The following PCNP variants were observed in gnomAD, a reference collection of about 807,000 sequenced individuals.
PCNP encodes PEST proteolytic signal containing nuclear protein, also known as PEST proteolytic signal-containing nuclear protein.
PCNP carries 6 observed loss-of-function variants against 21.8 expected under a neutral mutation model. That is an observed-to-expected ratio of 0.28 (90% CI 0.15 to 0.54). The LOEUF (loss-of-function observed/expected upper bound fraction) is 0.54. PCNP is among the 20% of genes least tolerant of loss of function. The pLI is 0.95. For missense variants in PCNP, 161 were observed against 215.5 expected, an observed-to-expected ratio of 0.75 and a Z score of 1.58; for synonymous variants, 67 against 73.2, an observed-to-expected ratio of 0.92 and a Z score of 0.43.
chr3:101,588,500 CT>C (rs945803036), intron 3 of PCNP, among the ~76,000 whole-genome samples: 16 of 151,516 alleles, frequency 1.1e-4, no homozygotes, highest in African/African-American at 3.1e-4. Context: ...CCGAAATCAT[CT>C]TTTTTTTTCT....
chr3:101,581,413 T>C (rs1935212947), intron 2 of PCNP, among the ~76,000 whole-genome samples: 1 of 151,602 alleles, frequency 6.6e-6, no homozygotes, highest in African/African-American at 2.4e-5. Context: ...TTTTTTTTAA[T>C]TTATTTATTT....
chr3:101,574,207 G>A lies in PCNP; in HGVS notation c.-9G>A, dbSNP rs1164184588. ...TGGCGTGGCTGCAGGGGAGGCCGCG[G>A]CGGGGAAAATGGCGGACGGGAAGGC... On this transcript the variant is annotated 5_prime_UTR_variant, in exon 1 of 5. Coordinates refer to ENST00000265260, the MANE Select transcript of PCNP (RefSeq NM_020357.3). The A allele has an allele frequency of 1.1e-5, 17 of 1,549,468 alleles. No homozygotes were observed. In the South Asian group the frequency reaches 1.2e-4, roughly 11 times the overall value.
chr3:101,576,396 A>C lies in PCNP; in HGVS notation c.64+2117A>C, dbSNP rs1934889622. ...ACTACAGGCGCGGGCCACCACGCCCAGCTAATTTTTGTATTTTTATTTTTT... is the reference window on the plus strand; with the variant it reads ...ACTACAGGCGCGGGCCACCACGCCCCGCTAATTTTTGTATTTTTATTTTTT... On this transcript the variant is annotated intron_variant, in intron 1 of 4. Coordinates refer to ENST00000265260, the MANE Select transcript of PCNP (RefSeq NM_020357.3). 2.9e-6 allele frequency: 3 copies of C among 1,025,448 alleles called. No individual in the cohort carries two copies. The East Asian group carries it at 8.1e-5, about 28-fold the overall frequency. The allele number at this position is 1,025,448 out of a possible 1,614,324, so 63.5% of individuals were successfully genotyped here.
At chr3:101,585,140 A>G (rs1935429721) in intron 2 of PCNP, among the ~76,000 whole-genome samples, 1 of 152,168 alleles carries the variant, frequency 6.6e-6, no homozygotes, top group African/African-American at 2.4e-5. Context: ...ATTACTAATC[A>G]TTTTCTCTTG....
chr3:101,577,378 G>A (rs1428710744), intron 1 of PCNP, among the ~76,000 whole-genome samples: 2 of 152,198 alleles, frequency 1.3e-5, no homozygotes, highest in Admixed American at 1.3e-4. Flanking sequence ...TCAGACACTA[G>A]TAGGGTCTTG....
In PCNP at chr3:101,592,798, G is replaced by C. The variant is rs1265471854; in HGVS notation, c.*45G>C. The stretch of plus-strand genomic sequence containing the variant: ...GTGTGGGGTGGGTGTAAAGTTAAAA[G>C]GAACAGTTTCCTTTTTTAAAGAATG... On this transcript the variant is annotated 3_prime_UTR_variant, in exon 5 of 5. Coordinates refer to ENST00000265260, the MANE Select transcript of PCNP (RefSeq NM_020357.3). The C allele has an allele frequency of 4.5e-6, 7 of 1,565,556 alleles. No homozygotes were observed. Among genetic ancestry groups the C allele is most frequent in the Non-Finnish European group, 6.0e-6 (7 of 1,157,804 alleles).
At chr3:101,580,133 A>G (rs1020822078) in intron 2 of PCNP, 129 bp downstream of exon 2, 6 of 655,964 alleles carry the variant, frequency 9.1e-6, no homozygotes, top group Admixed American at 7.9e-5. Flanking sequence ...TCTTTGACGT[A>G]TGAACTTAGA....
chr3:101,579,429 A>G (rs1413637376), intron 1 of PCNP, among the ~76,000 whole-genome samples: 2 of 152,226 alleles, frequency 1.3e-5, no homozygotes, highest in Non-Finnish European at 2.9e-5. Context: ...ATTGCTCACA[A>G]ACTACTAAGT....
intron 2 of PCNP, among the ~76,000 whole-genome samples, chr3:101,582,003 G>C (rs1935249779): frequency 6.6e-6 from 1 of 151,876 alleles, no homozygotes; most frequent in African/African-American, 2.4e-5. Context: ...GCCTGCCAAA[G>C]TGCTGGGATT....
intron 3 of PCNP, among the ~76,000 whole-genome samples, chr3:101,587,732 C>A (rs543427667): frequency 1.7e-4 from 26 of 151,624 alleles, no homozygotes; most frequent in Non-Finnish European, 3.4e-4. Context: ...TTTGAAGTTT[C>A]TTGGCATCTC....
rs1262153597 is a variant in PCNP, at chr3:101,579,606, C to T, written c.65-184C>T. ...TATGCTAGTTAATTCATGGGAGCCT[C>T]TTCTACTGCCACACAATCTCAGTTC... On this transcript the variant is annotated intron_variant, in intron 1 of 4. Transcript: ENST00000265260. 5 of 712,784 alleles carry T rather than the reference C, an allele frequency of 7.0e-6. No homozygotes were observed. The African/African-American group carries it at 8.7e-5, about 12-fold the overall frequency. 44.2% of individuals were successfully genotyped at this position (712,784 alleles called of 1,614,324 possible). A position where few individuals can be genotyped will look rare whatever the true frequency, so the allele number is the denominator to read the frequency against.
intron 1 of PCNP, chr3:101,576,966 G>A: frequency 8.7e-7 from 1 of 1,155,586 alleles, no homozygotes; most frequent in Non-Finnish European, 1.3e-6. Flanking sequence ...CACAAGCGGC[G>A]GCGTGTAGGC....
intron 3 of PCNP, among the ~76,000 whole-genome samples, chr3:101,588,210 G>A (rs2108289332): frequency 6.6e-6 from 1 of 152,290 alleles, no homozygotes; most frequent in South Asian, 2.1e-4. Context: ...GGTGGAGGTT[G>A]CAGTGAGCCG....
intron 2 of PCNP, among the ~76,000 whole-genome samples, chr3:101,584,315 T>A (rs1299246658): frequency 1.3e-5 from 2 of 152,070 alleles, no homozygotes; most frequent in Non-Finnish European, 2.9e-5. Context: ...AAAAAAAAAT[T>A]TTTTTAGAGA....
At chr3:101,583,684 G>A (rs1310381562) in intron 2 of PCNP, among the ~76,000 whole-genome samples, 2 of 151,962 alleles carry the variant, frequency 1.3e-5, no homozygotes, top group East Asian at 3.9e-4. Context: ...GACTCACTCT[G>A]TCACCCAGGC....
chr3:101,577,018 G>A lies in PCNP; in HGVS notation c.64+2739G>A, dbSNP rs1934950682. 3.8e-6 allele frequency: 3 copies of A among 796,542 alleles called. No individual in the cohort carries two copies. The Admixed American group carries it at 5.2e-5, about 14-fold the overall frequency. The allele number at this position is 796,542 out of a possible 1,614,324, so 49.3% of individuals were successfully genotyped here. ...ATTTTTGTATTTTTAGTAGAGACGA[G>A]ATTTCACCATGTTGGCTAGAATGGT... On this transcript the variant is annotated intron_variant, in intron 1 of 4. Coordinates refer to ENST00000265260, the MANE Select transcript of PCNP (RefSeq NM_020357.3).
intron 4 of PCNP, among the ~76,000 whole-genome samples, chr3:101,591,869 T>C (rs1935828931): frequency 6.8e-6 from 1 of 147,160 alleles, no homozygotes; most frequent in Non-Finnish European, 1.5e-5. Context: ...CCTCCTGGGC[T>C]CAGGCAATCC....
At chr3:101,592,550 T>G (rs1935871705) in intron 4 of PCNP, 77 bp from the exon 5 acceptor site, 1 of 1,166,394 alleles carries the variant, frequency 8.6e-7, no homozygotes, top group African/African-American at 1.6e-5. Flanking sequence ...TAAACAAACA[T>G]GTATTGAATG....
At chr3:101,576,935 TCACTAGCGA>T in intron 1 of PCNP, 1 of 1,531,738 alleles carries the variant, frequency 6.5e-7, no homozygotes, top group Non-Finnish European at 9.0e-7. Context: ...TTTTCAGGGA[TCACTAGCGA>T]CATGGCGGCA....
Sources: gnomAD v4.1 joint callset for allele counts (sites outside exome capture counted in the v4.1 genomes callset) on GRCh38, gnomAD v4.1.1 for gene constraint, MANE v1.5 for transcripts, NCBI Gene and HGNC (gene_info 2026-07-23, HGNC 2026-07-21) for gene names.